The following ANKRD16 variants were observed in gnomAD, a reference collection of about 807,000 sequenced individuals.
The protein encoded by ANKRD16 is ankyrin repeat domain 16.
A neutral mutation model predicts 37.9 loss-of-function variants in ANKRD16; 35 were observed. The observed-to-expected ratio is 0.92, with a 90% CI of 0.71 to 1.23. The LOEUF (loss-of-function observed/expected upper bound fraction) is 1.23. Ranked by LOEUF, ANKRD16 falls within the 50% of genes most tolerant of loss-of-function variation. The pLI, the probability that ANKRD16 is intolerant of heterozygous loss-of-function variation, is 0.00. For synonymous variants in ANKRD16, 206 were observed against 197.2 expected, an observed-to-expected ratio of 1.04 and a Z score of -0.37; for missense variants, 480 against 469.9, an observed-to-expected ratio of 1.02 and a Z score of -0.20.
In ANKRD16 at chr10:5,871,606, A is replaced by G. The variant is rs796946290; in HGVS notation, c.*33+6491T>C. ...GGCGCCCACGTGGGCTCTGCCCTGAACTTTTCTTCCTTCTTGCCCTTCTTC... is the reference window on the plus strand; with the variant it reads ...GGCGCCCACGTGGGCTCTGCCCTGAGCTTTTCTTCCTTCTTGCCCTTCTTC... On this transcript the variant is annotated intron_variant, in intron 7 of 7. Coordinates refer to ENST00000380094, the MANE Select transcript of ANKRD16 (RefSeq NM_019046.3). The surrounding 1 kb of genome is among the most constrained non-coding windows in gnomAD (Gnocchi z 4.5). 2.6e-5 allele frequency among the ~76,000 whole-genome samples: 4 copies of G among 152,216 alleles called. No homozygotes were observed. The highest frequency in any genetic ancestry group is 9.6e-5 in the African/African-American group (4 of 41,514).
chr10:5,867,504 G>A (rs1008801340), intron 7 of ANKRD16, among the ~76,000 whole-genome samples: 2 of 152,166 alleles, frequency 1.3e-5, no homozygotes, highest in Non-Finnish European at 1.5e-5. Context: ...AAGATAATAT[G>A]GACTGAACGA....
At chr10:5,872,853 G>A (rs1390151474) in intron 7 of ANKRD16, among the ~76,000 whole-genome samples, 1 of 149,194 alleles carries the variant, frequency 6.7e-6, no homozygotes, top group African/African-American at 2.5e-5. Flanking sequence ...ACCGCGCCCG[G>A]CCCTGCATTT....
Position 5,864,089 on chromosome 10 carries a change from T to C in ANKRD16, c.*34-1398A>G, listed in dbSNP as rs894274599. On this transcript the variant is annotated intron_variant, in intron 7 of 7. Transcript: ENST00000380094. This position sits in a 1 kb window ranked among gnomAD's most constrained non-coding sequence, Gnocchi z 4.4. The stretch of plus-strand genomic sequence containing the variant: ...CACCTGAGGGAAGTATAAATTACAA[T>C]ACTATCCTGCAGCTTGACCTTTTCT... 1.3e-5 allele frequency among the ~76,000 whole-genome samples: 2 copies of C among 152,092 alleles called. No homozygotes were observed. Among genetic ancestry groups the C allele is most frequent in the Non-Finnish European group, 2.9e-5 (2 of 68,036 alleles).
At position 5,878,052 on chromosome 10, in the gene ANKRD16, T is replaced by C. The variant is rs1373879524; in HGVS notation, c.*33+45A>G. ...AGATGGAAAACTGGCTTCCAACTGG[T>C]TTCGCTGAATCTGTGACTGACTTAA... On this transcript the variant is annotated intron_variant, in intron 7 of 7. Transcript: ENST00000380094. The surrounding 1 kb of genome is among the most constrained non-coding windows in gnomAD (Gnocchi z 5.1). 1.8e-5 allele frequency: 27 copies of C among 1,535,356 alleles called. No homozygotes were observed. The South Asian group carries it at 3.2e-4, about 18-fold the overall frequency.
chr10:5,871,986 C>G lies in ANKRD16; in HGVS notation c.*33+6111G>C, dbSNP rs1842096968. ...AACCTCCAGTGATCAAATCCAACAG[C>G]CGTTTCTGTCCCCAACCTGCCGCCC... is the stretch of plus-strand genomic sequence containing the variant. On this transcript the variant is annotated intron_variant, in intron 7 of 7. Transcript: ENST00000380094. The surrounding 1 kb of genome is among the most constrained non-coding windows in gnomAD (Gnocchi z 4.5). Among the ~76,000 whole-genome samples, 1 of 152,132 alleles carries G rather than the reference C, an allele frequency of 6.6e-6. No individual in the cohort carries two copies. Among genetic ancestry groups the G allele is most frequent in the Non-Finnish European group, 1.5e-5 (1 of 68,028 alleles).
Position 5,874,173 on chromosome 10 carries a change from G to C in ANKRD16, c.*33+3924C>G, listed in dbSNP as rs998334864. ...CATAATACTGGGACTACAGGTGTAA[G>C]CCATCGTGCCTGGGCGAGACTTCTG... On this transcript the variant is annotated intron_variant, in intron 7 of 7. Transcript: ENST00000380094. This position sits in a 1 kb window ranked among gnomAD's most constrained non-coding sequence, Gnocchi z 4.7. 6.6e-6 allele frequency among the ~76,000 whole-genome samples: 1 copy of C among 152,218 alleles called. No individual in the cohort carries two copies. Among genetic ancestry groups the C allele is most frequent in the Non-Finnish European group, 1.5e-5 (1 of 68,038 alleles).
Position 5,889,053 on chromosome 10 carries a change from T to A in ANKRD16, c.302A>T (p.Lys101Met). 6.5e-7 allele frequency: 1 copy of A among 1,550,222 alleles called. No homozygotes were observed. Among genetic ancestry groups the A allele is most frequent in the Non-Finnish European group, 8.7e-7 (1 of 1,154,772 alleles). Residue 101 changes from lysine (K) to methionine (M), a missense_variant, in exon 1 of 8, where the codon AAG (lysine) becomes ATG (methionine). Coordinates refer to ENST00000380094, the MANE Select transcript of ANKRD16 (RefSeq NM_019046.3). ...LGRGAAVDCL[K>M]KADWTPLMMA... ...GCTCCACACCTACCAGTCGGCCTTC[T>A]TCAGGCAGTCGACCGCTGCCCCCCG...
intron 5 of ANKRD16, among the ~76,000 whole-genome samples, chr10:5,881,328 C>A (rs1376385858): frequency 6.7e-6 from 1 of 149,980 alleles, no homozygotes; most frequent in Non-Finnish European, 1.5e-5. Flanking sequence ...TTGTTGAAAT[C>A]TTTAGGGGAG....
At chr10:5,867,846 G>T (rs554104011) in intron 7 of ANKRD16, among the ~76,000 whole-genome samples, 1 of 152,152 alleles carries the variant, frequency 6.6e-6, no homozygotes, top group Admixed American at 6.5e-5. Context: ...TAGTAACTAC[G>T]ATCCCAAATA....
chr10:5,885,323 G>A (rs1380247349), intron 3 of ANKRD16, among the ~76,000 whole-genome samples: 9 of 152,078 alleles, frequency 5.9e-5, no homozygotes, highest in Admixed American at 5.2e-4. Flanking sequence ...TGGGACTACA[G>A]GCGCCCGCCA....
rs758358746 is a variant in ANKRD16 at position 5,887,952 on chromosome 10, C to G, written c.430G>C (p.Ala144Pro). ...NKDGWNSFHI[A>P]SREGDPLILQ... is the part of the protein sequence containing the mutation. ...ATCAGAGGGTCGCCTTCTCGACTGG[C>G]AATGTGGAAACTGTTCCAGCCATCT... The change falls in exon 2 of 8, where the codon GCC (alanine) becomes CCC (proline). Residue 144 changes from alanine (A) to proline (P), a missense_variant. Transcript: ENST00000380094. 5 of 1,614,214 alleles carry G rather than the reference C, an allele frequency of 3.1e-6. No homozygotes were observed. The highest frequency in any genetic ancestry group is 4.2e-6 in the Non-Finnish European group (5 of 1,180,026).
At position 5,883,150 on chromosome 10, in the gene ANKRD16, T is replaced by C. The variant is rs1842348605; in HGVS notation, c.705A>G (p.Glu235=). ...GCAGAGCCTGGGCACCCAGGCTGTC[T>C]TCTGCTGAAAGGCAAGCCTAGTGGG... ...LDEHGACLSA[E]DSLGAQALHR... Residue 235 remains glutamate (E), a synonymous_variant, in exon 5 of 8, where the codon GAA becomes GAG. Transcript: ENST00000380094. 2 of 1,613,722 alleles carry C rather than the reference T, an allele frequency of 1.2e-6. No homozygotes were observed.
Position 5,868,393 on chromosome 10 carries a change from G to A in ANKRD16, c.*34-5702C>T, listed in dbSNP as rs546370730. On this transcript the variant is annotated intron_variant, in intron 7 of 7. Transcript: ENST00000380094. This position sits in a 1 kb window ranked among gnomAD's most constrained non-coding sequence, Gnocchi z 4.9. The stretch of plus-strand genomic sequence containing the variant: ...TTCCCAGTAGCAGTTGGGGTGTTCC[G>A]TTTAGAGGGTGGGTTGAGAGGTGAA... 5.3e-5 allele frequency among the ~76,000 whole-genome samples: 8 copies of A among 152,296 alleles called. No individual in the cohort carries two copies. The highest frequency in any genetic ancestry group is 1.7e-4 in the African/African-American group (7 of 41,572).
In ANKRD16 at chr10:5,874,057, A is replaced by T. The variant is rs897104297; in HGVS notation, c.*33+4040T>A. Among the ~76,000 whole-genome samples the T allele has an allele frequency of 2.6e-5, 4 of 151,732 alleles. No homozygotes were observed. Among genetic ancestry groups the T allele is most frequent in the Non-Finnish European group, 4.4e-5 (3 of 67,974 alleles). On this transcript the variant is annotated intron_variant, in intron 7 of 7. Transcript: ENST00000380094. This position sits in a 1 kb window ranked among gnomAD's most constrained non-coding sequence, Gnocchi z 4.7. Reference sequence around the variant, plus strand: ...AGGCGGGTGCCACCACGCCTGGCTAATTTTTGTATTTTTAGTAAAGACGGG... The same window carrying T: ...AGGCGGGTGCCACCACGCCTGGCTATTTTTTGTATTTTTAGTAAAGACGGG...
chr10:5,864,605 A>G lies in ANKRD16; in HGVS notation c.*34-1914T>C, dbSNP rs1841988879. Among the ~76,000 whole-genome samples, 1 of 152,122 alleles carries G rather than the reference A, an allele frequency of 6.6e-6. No individual in the cohort carries two copies. The highest frequency in any genetic ancestry group is 1.5e-5 in the Non-Finnish European group (1 of 68,038). ...AGAATGCGGCTTTAGCTGCAGCCCG[A>G]GAGTTTGGAGATACCTGGAATCTTA... On this transcript the variant is annotated intron_variant, in intron 7 of 7. Coordinates refer to ENST00000380094, the MANE Select transcript of ANKRD16 (RefSeq NM_019046.3). This position sits in a 1 kb window ranked among gnomAD's most constrained non-coding sequence, Gnocchi z 4.4.
Position 5,871,891 on chromosome 10 carries a change from T to A in ANKRD16, c.*33+6206A>T, listed in dbSNP as rs899419553. Among the ~76,000 whole-genome samples the A allele has an allele frequency of 1.3e-5, 2 of 152,134 alleles. No homozygotes were observed. Among genetic ancestry groups the A allele is most frequent in the Non-Finnish European group, 2.9e-5 (2 of 68,026 alleles). On this transcript the variant is annotated intron_variant, in intron 7 of 7. Transcript: ENST00000380094. The surrounding 1 kb of genome is among the most constrained non-coding windows in gnomAD (Gnocchi z 4.5). The stretch of plus-strand genomic sequence containing the variant: ...TTCTTTCCTTTCCTTCACCACACAA[T>A]GCAGCCAAGGGTGCAGAGAGTTGCT...
rs61729846 is a variant in ANKRD16, at chr10:5,878,281, T to G, written c.935A>C (p.His312Pro). Residue 312 changes from histidine (H) to proline (P), a missense_variant, in exon 7 of 8, where the codon CAT becomes CCT. By Grantham distance (77) the His-to-Pro change is moderately conservative (BLOSUM62 -2). Coordinates refer to ENST00000380094, the MANE Select transcript of ANKRD16 (RefSeq NM_019046.3). This position sits in a 1 kb window ranked among gnomAD's most constrained non-coding sequence, Gnocchi z 5.1. ...SKDEKNRSAL[H>P]LACAGQHLAC... is the part of the protein sequence containing the mutation. Reference sequence around the variant, plus strand: ...CAAGTGCTGACCTGCACAGGCCAGATGCAGGGCTGAGGGGTGACAAAAATC... The same window carrying G: ...CAAGTGCTGACCTGCACAGGCCAGAGGCAGGGCTGAGGGGTGACAAAAATC... The G allele has an allele frequency of 1.9e-6, 3 of 1,613,462 alleles. No individual in the cohort carries two copies. The highest frequency in any genetic ancestry group is 2.5e-6 in the Non-Finnish European group (3 of 1,179,890).
rs182757437 is a variant in ANKRD16, at chr10:5,878,119, T to C, written c.*11A>G. ...TACCATGCACTTTATTGCCTCCTCT[T>C]GGAAACATCCTTATGTCATTGCGCT... On this transcript the variant is annotated 3_prime_UTR_variant, in exon 7 of 8. Coordinates refer to ENST00000380094, the MANE Select transcript of ANKRD16 (RefSeq NM_019046.3). This position sits in a 1 kb window ranked among gnomAD's most constrained non-coding sequence, Gnocchi z 5.1. The C allele has an allele frequency of 6.1e-5, 98 of 1,611,482 alleles. 2 individuals carry two copies. In the African/African-American group the frequency reaches 1.1e-3, roughly 18 times the overall value.
At position 5,889,135 on chromosome 10, in the gene ANKRD16, G is replaced by A. The variant is rs865867053; in HGVS notation, c.220C>T (p.Pro74Ser). The stretch of plus-strand genomic sequence containing the variant: ...CCCATGGAGGCCGCCTCGTGCAGAG[G>A]CCGCTTGTAGTCTCGGTTGGTGGCC... ...IEATNRDYKR[P>S]LHEAASMGHR... Residue 74 changes from proline to serine, a missense_variant, in exon 1 of 8, where the codon CCT becomes TCT. Transcript: ENST00000380094. 5 of 1,598,254 alleles carry A rather than the reference G, an allele frequency of 3.1e-6. No homozygotes were observed. Among genetic ancestry groups the A allele is most frequent in the Non-Finnish European group, 3.4e-6 (4 of 1,179,044 alleles).
Sources: gnomAD v4.1 joint callset for allele counts (sites outside exome capture counted in the v4.1 genomes callset) on GRCh38, gnomAD v4.1.1 for gene constraint, Gnocchi (gnomAD v3.1) non-coding constraint, MANE v1.5 for transcripts, NCBI Gene and HGNC (gene_info 2026-07-23, HGNC 2026-07-21) for gene names.